Variants in PCSK2 observed in about 807,000 individuals in gnomAD.
PCSK2 encodes the protein proprotein convertase subtilisin/kexin type 2, also known as neuroendocrine convertase 2.
A neutral mutation model predicts 69.7 loss-of-function variants in PCSK2; 14 were observed. The observed-to-expected ratio is 0.20, with a 90% CI of 0.13 to 0.31. PCSK2 has a LOEUF of 0.31. Among genes scored for constraint, PCSK2 ranks in the 10% least tolerant of loss-of-function variants. PCSK2 has a pLI of 1.00. For missense variants in PCSK2, 544 were observed against 842.5 expected, an observed-to-expected ratio of 0.65 and a Z score of 4.39; for synonymous variants, 307 against 320.7, an observed-to-expected ratio of 0.96 and a Z score of 0.46.
chr20:17,434,017 T>TTC (rs1262901129), intron 7 of PCSK2, among the ~76,000 whole-genome samples: 1 of 130,490 alleles, frequency 7.7e-6, no homozygotes. Context: ...TCTCTCTACC[T>TTC]TCTCTCTCTC....
intron 2 of PCSK2, among the ~76,000 whole-genome samples, chr20:17,331,657 A>G (rs1168472476): frequency 6.6e-6 from 1 of 152,124 alleles, no homozygotes; most frequent in Non-Finnish European, 1.5e-5. Context: ...TGATCTCTCT[A>G]CTGTGAACCA....
At chr20:17,385,589 A>G (rs961199617) in intron 5 of PCSK2, among the ~76,000 whole-genome samples, 1 of 152,226 alleles carries the variant, frequency 6.6e-6, no homozygotes, top group Non-Finnish European at 1.5e-5. Context: ...TGCTGTATAC[A>G]CTAATCACTG....
At chr20:17,331,872 A>G (rs1462868545) in intron 2 of PCSK2, among the ~76,000 whole-genome samples, 1 of 152,122 alleles carries the variant, frequency 6.6e-6, no homozygotes, top group Non-Finnish European at 1.5e-5. Context: ...TCAAACCTGT[A>G]GGCTAGGACC....
At position 17,335,188 on chromosome 20, in the gene PCSK2, G is replaced by A. The variant is rs1990309965; in HGVS notation, c.283-23139G>A. ...ATATACTTGCAGTCAGACGGCAGCGGAGATTGGGGGGGTTGTCTGAAGACT... is the reference window on the plus strand; with the variant it reads ...ATATACTTGCAGTCAGACGGCAGCGAAGATTGGGGGGGTTGTCTGAAGACT... On this transcript the variant is annotated intron_variant, in intron 2 of 11. Transcript: ENST00000262545. Among the ~76,000 whole-genome samples, 2 of 82,854 alleles carry A rather than the reference G, an allele frequency of 2.4e-5. 1 individual carries two copies. The highest frequency in any genetic ancestry group is 5.5e-5 in the Non-Finnish European group (2 of 36,264). The allele number at this position is 82,854 out of a possible 152,430, so 54.4% of individuals were successfully genotyped here.
intron 11 of PCSK2, among the ~76,000 whole-genome samples, chr20:17,465,874 G>A (rs115280757): frequency 0.022 from 3,336 of 152,132 alleles, 132 homozygotes; most frequent in African/African-American, 0.076. Flanking sequence ...TCACTATGTT[G>A]TCCAAGCTGG....
At chr20:17,332,756 A>G (rs149870133) in intron 2 of PCSK2, among the ~76,000 whole-genome samples, 1,579 of 152,322 alleles carry the variant, frequency 0.01, 24 homozygotes, top group South Asian at 0.053. Context: ...AGCTGTGCAC[A>G]GCATTCACCA....
At chr20:17,232,972 G>C (rs889957736) in intron 1 of PCSK2, among the ~76,000 whole-genome samples, 1 of 152,100 alleles carries the variant, frequency 6.6e-6, no homozygotes, top group Non-Finnish European at 1.5e-5. Flanking sequence ...GCCTTAGATC[G>C]AATCCAAGCT....
Position 17,409,171 on chromosome 20 carries a change from G to A in PCSK2, c.544-92G>A, listed in dbSNP as rs1428702625. On this transcript the variant is annotated intron_variant, in intron 5 of 11. Transcript: ENST00000262545. ...TGCAGCACACTAATCCAGCACTCCA[G>A]GGAGGACTAGAAATGTTTAAAGTCT... 7 of 938,756 alleles carry A rather than the reference G, an allele frequency of 7.5e-6. No individual in the cohort carries two copies. The Middle Eastern group carries it at 8.6e-4, about 115-fold the overall frequency. The allele number at this position is 938,756 out of a possible 1,614,324, so 58.2% of individuals were successfully genotyped here. A position where few individuals can be genotyped will look rare whatever the true frequency, so the allele number is the denominator to read the frequency against.
intron 5 of PCSK2, among the ~76,000 whole-genome samples, chr20:17,378,698 T>C (rs1016877254): frequency 6.6e-6 from 1 of 151,904 alleles, no homozygotes; most frequent in Non-Finnish European, 1.5e-5. Context: ...GATAGATGGA[T>C]GGATAGTTGG....
chr20:17,456,500 G>A (rs759474762), intron 10 of PCSK2, 52 bp downstream of exon 10: 5 of 952,244 alleles, frequency 5.3e-6, no homozygotes, highest in East Asian at 4.8e-5. Flanking sequence ...GGACTAACAC[G>A]TGTCTCTCTG....
intron 11 of PCSK2, among the ~76,000 whole-genome samples, chr20:17,469,034 A>C (rs2033156208): frequency 6.6e-6 from 1 of 152,262 alleles, no homozygotes; most frequent in Non-Finnish European, 1.5e-5. Flanking sequence ...TAATAATCTA[A>C]AAACACAGAG....
intron 2 of PCSK2, among the ~76,000 whole-genome samples, chr20:17,288,199 T>C (rs1014357722): frequency 1.3e-5 from 2 of 152,200 alleles, no homozygotes; most frequent in Non-Finnish European, 2.9e-5. Context: ...ACTCAGCATG[T>C]CCTTTCATGC....
intron 2 of PCSK2, among the ~76,000 whole-genome samples, chr20:17,337,596 T>G (rs1477418014): frequency 6.6e-6 from 1 of 152,158 alleles, no homozygotes; most frequent in Non-Finnish European, 1.5e-5. Flanking sequence ...ATAAAGATAA[T>G]TCTTTTGTTT....
At chr20:17,267,795 G>A (rs1987681445) in intron 2 of PCSK2, among the ~76,000 whole-genome samples, 1 of 151,954 alleles carries the variant, frequency 6.6e-6, no homozygotes, top group Admixed American at 6.6e-5. Flanking sequence ...AACTTTCTTT[G>A]GGAGAATTCT....
rs1188019066 is a variant in PCSK2, at chr20:17,378,656, G to C, written c.543+9379G>C. ...GGATGGATGGATGAATGGATGGATG[G>C]ATGATTGGATGGATGGATGGTTAGA... is the stretch of plus-strand genomic sequence containing the variant. On this transcript the variant is annotated intron_variant, in intron 5 of 11. Coordinates refer to ENST00000262545, the MANE Select transcript of PCSK2 (RefSeq NM_002594.5). 2.0e-5 allele frequency among the ~76,000 whole-genome samples: 3 copies of C among 151,490 alleles called. No homozygotes were observed. The East Asian group carries it at 5.8e-4, about 29-fold the overall frequency.
At chr20:17,358,686 A>G (rs1476229992) in intron 3 of PCSK2, among the ~76,000 whole-genome samples, 1 of 152,230 alleles carries the variant, frequency 6.6e-6, no homozygotes, top group African/African-American at 2.4e-5. Flanking sequence ...CAACTAGTGG[A>G]ATTCTCTTCA....
intron 2 of PCSK2, among the ~76,000 whole-genome samples, chr20:17,297,678 C>A (rs1255138395): frequency 6.6e-6 from 1 of 152,192 alleles, no homozygotes; most frequent in Non-Finnish European, 1.5e-5. Context: ...CAGGGTTATC[C>A]TCTTCGTGAA....
intron 2 of PCSK2, among the ~76,000 whole-genome samples, chr20:17,325,254 G>GTA (rs1346324069): frequency 6.6e-6 from 1 of 152,042 alleles, no homozygotes; most frequent in East Asian, 1.9e-4. Flanking sequence ...CACATATTAG[G>GTA]TACCAAATAA....
At chr20:17,480,136 T>G (rs77077118) in intron 11 of PCSK2, among the ~76,000 whole-genome samples, 4,193 of 151,222 alleles carry the variant, frequency 0.028, 88 homozygotes, top group Middle Eastern at 0.051. Context: ...TCCTGATCAT[T>G]CATTGGACTG....
Sources: allele counts gnomAD v4.1 joint callset (sites outside exome capture counted in the v4.1 genomes callset), GRCh38; gene constraint gnomAD v4.1.1; transcripts MANE v1.5; gene names NCBI Gene and HGNC (gene_info 2026-07-23, HGNC 2026-07-21).